BZW2: variants seen among roughly 807,000 people sequenced by gnomAD.
BZW2 encodes basic leucine zipper and W2 domains 2, also known as eIF5-mimic protein 1.
In BZW2, 23 loss-of-function variants were observed where a neutral mutation model predicts 53.2. That is an observed-to-expected ratio of 0.43 (90% CI 0.31 to 0.61). BZW2 has a LOEUF of 0.61. Ranked by LOEUF, BZW2 falls within the 20% of genes least tolerant of loss-of-function variation. The probability of loss-of-function intolerance (pLI) is 0.09; values close to 1 mark genes in which losing one functional copy is unlikely to be tolerated. For missense variants in BZW2, 409 were observed against 503.1 expected, an observed-to-expected ratio of 0.81 and a Z score of 1.79; for synonymous variants, 227 against 186.4, an observed-to-expected ratio of 1.22 and a Z score of -1.77.
chr7:16,650,866 T>G (rs1781968515), intron 1 of BZW2, among the ~76,000 whole-genome samples: 1 of 152,194 alleles, frequency 6.6e-6, no homozygotes, highest in African/African-American at 2.4e-5. Context: ...CCAAAATTGT[T>G]CAGGTAGTCA....
At chr7:16,663,746 T>C (rs751954111) in intron 1 of BZW2, among the ~76,000 whole-genome samples, 1 of 152,206 alleles carries the variant, frequency 6.6e-6, no homozygotes, top group Non-Finnish European at 1.5e-5. Context: ...TTTGCTTGAA[T>C]AATGCATGTT....
chr7:16,674,061 G>C (rs1411894760), intron 2 of BZW2, among the ~76,000 whole-genome samples: 2 of 152,096 alleles, frequency 1.3e-5, no homozygotes, highest in African/African-American at 4.8e-5. Context: ...ACCATGCCCA[G>C]CTAATTTTTT....
At chr7:16,663,216 A>G (rs543035676) in intron 1 of BZW2, among the ~76,000 whole-genome samples, 7 of 152,322 alleles carry the variant, frequency 4.6e-5, no homozygotes, top group African/African-American at 1.4e-4. Context: ...TTGCCCCCAT[A>G]CACATAAGCA....
chr7:16,666,830 T>C (rs1211345201), intron 2 of BZW2, among the ~76,000 whole-genome samples: 1 of 152,128 alleles, frequency 6.6e-6, no homozygotes, highest in African/African-American at 2.4e-5. Flanking sequence ...GGTCTTGCTA[T>C]GTTGTTGAAG....
chr7:16,649,723 C>T lies in BZW2; in HGVS notation c.-8+3435C>T, dbSNP rs577509019. Among the ~76,000 whole-genome samples, 21 of 151,858 alleles carry T rather than the reference C, an allele frequency of 1.4e-4. No homozygotes were observed. In the South Asian group the frequency reaches 2.5e-3, roughly 18 times the overall value. ...ATTTTTTTAAGTTGGAAGTAGATTA[C>T]GGTTATATTTTTAAAAGATTACTTA... is the stretch of plus-strand genomic sequence containing the variant. On this transcript the variant is annotated intron_variant, in intron 1 of 11. Coordinates refer to ENST00000258761, the MANE Select transcript of BZW2 (RefSeq NM_014038.3).
intron 10 of BZW2, 48 bp downstream of exon 10, chr7:16,698,234 C>G (rs753774025): frequency 2.5e-6 from 4 of 1,609,260 alleles, no homozygotes; most frequent in African/African-American, 1.3e-5. Flanking sequence ...TGCTGAAGCT[C>G]TTTGAGAGGC....
chr7:16,703,996 T>G (rs889555121), intron 10 of BZW2, among the ~76,000 whole-genome samples: 4 of 152,168 alleles, frequency 2.6e-5, no homozygotes, highest in African/African-American at 9.7e-5. Flanking sequence ...AACTTCAGTT[T>G]AGGTGTGTAT....
intron 3 of BZW2, among the ~76,000 whole-genome samples, chr7:16,678,558 A>G (rs974166401): frequency 1.3e-5 from 2 of 152,222 alleles, no homozygotes; most frequent in African/African-American, 2.4e-5. Flanking sequence ...GTTTTCTTTC[A>G]TTAAACAATG....
chr7:16,665,695 T>C (rs1782402419), intron 2 of BZW2, among the ~76,000 whole-genome samples, 194 bp downstream of exon 2: 1 of 152,224 alleles, frequency 6.6e-6, no homozygotes, highest in African/African-American at 2.4e-5. Flanking sequence ...TTAATTTGCC[T>C]GTGCTACTTG....
At chr7:16,701,860 T>C (rs1745904837) in intron 10 of BZW2, among the ~76,000 whole-genome samples, 1 of 152,110 alleles carries the variant, frequency 6.6e-6, no homozygotes, top group African/African-American at 2.4e-5. Flanking sequence ...ACTCACCATG[T>C]CAATTGCTGA....
In BZW2 at chr7:16,696,902, C is replaced by G. The variant is rs372904209; in HGVS notation, c.823-13C>G. ...TGCCTGTTACTTTCTGACCCCATTT[C>G]CATGTAATGTAGGTGGTGCTTTATG... On this transcript the variant is annotated splice_polypyrimidine_tract_variant and intron_variant, in intron 8 of 11. Transcript: ENST00000258761. The G allele has an allele frequency of 4.3e-5, 69 of 1,613,752 alleles. No individual in the cohort carries two copies. Among genetic ancestry groups the G allele is most frequent in the Non-Finnish European group, 5.3e-5 (62 of 1,179,798 alleles).
At chr7:16,667,293 C>A (rs201494222) in intron 2 of BZW2, among the ~76,000 whole-genome samples, 789 of 122,982 alleles carry the variant, frequency 6.4e-3, no homozygotes, top group Non-Finnish European at 5.6e-3. Flanking sequence ...AAAAAAAAAA[C>A]AAAAAAAAAA....
At chr7:16,651,430 T>A (rs181166496) in intron 1 of BZW2, among the ~76,000 whole-genome samples, 17 of 152,334 alleles carry the variant, frequency 1.1e-4, no homozygotes, top group African/African-American at 3.4e-4. Flanking sequence ...CAGAAGACTT[T>A]AATGGTTTTC....
At chr7:16,665,961 C>T (rs1345593602) in intron 2 of BZW2, among the ~76,000 whole-genome samples, 2 of 152,068 alleles carry the variant, frequency 1.3e-5, no homozygotes, top group African/African-American at 2.4e-5. Flanking sequence ...CCTTAAAAAC[C>T]ATATTTTCAA....
Position 16,682,809 on chromosome 7 carries a change from G to A in BZW2, c.369G>A (p.Lys123=), listed in dbSNP as rs1319946469. The A allele has an allele frequency of 1.3e-6, 2 of 1,579,484 alleles. No individual in the cohort carries two copies. The highest frequency in any genetic ancestry group is 2.3e-5 in the South Asian group (2 of 88,426). Residue 123 remains lysine, a synonymous_variant, in exon 5 of 12, where the codon AAG becomes AAA. Coordinates refer to ENST00000258761, the MANE Select transcript of BZW2 (RefSeq NM_014038.3). ...QVFNKLIRRY[K]YLEKAFEDEM... ...TCAATAAACTCATCAGGAGATATAA[G>A]TATTTGGAGAAGGCATTTGAAGATG...
At position 16,664,047 on chromosome 7, in the gene BZW2, C is replaced by A. The variant is rs538155639; in HGVS notation, c.-7-1390C>A. On this transcript the variant is annotated intron_variant, in intron 1 of 11. Coordinates refer to ENST00000258761, the MANE Select transcript of BZW2 (RefSeq NM_014038.3). ...CATAGAAAACCATATATTCTATACA[C>A]CCTCCTTTTAACCAAGTACTTTACA... Among the ~76,000 whole-genome samples, 34 of 152,304 alleles carry A rather than the reference C, an allele frequency of 2.2e-4. 1 individual carries two copies. The highest frequency in any genetic ancestry group is 9.6e-4 in the East Asian group (5 of 5,184).
intron 5 of BZW2, among the ~76,000 whole-genome samples, chr7:16,684,351 G>T (rs1032658327): frequency 2.0e-5 from 3 of 152,092 alleles, no homozygotes; most frequent in African/African-American, 7.2e-5. Flanking sequence ...AGAGTGTCTG[G>T]TCCACTCAAC....
intron 1 of BZW2, among the ~76,000 whole-genome samples, chr7:16,649,347 C>T (rs368068732): frequency 1.3e-5 from 2 of 152,174 alleles, no homozygotes; most frequent in East Asian, 1.9e-4. Flanking sequence ...TGTTTTCCTA[C>T]TTGACTAATC....
chr7:16,660,539 C>T (rs890714929), intron 1 of BZW2, among the ~76,000 whole-genome samples: 1 of 151,848 alleles, frequency 6.6e-6, no homozygotes, highest in South Asian at 2.1e-4. Flanking sequence ...GCAGACTACT[C>T]TTCGAGCTAC....
Sources: allele counts gnomAD v4.1 joint callset (sites outside exome capture counted in the v4.1 genomes callset), GRCh38; gene constraint gnomAD v4.1.1; transcripts MANE v1.5; gene names NCBI Gene and HGNC (gene_info 2026-07-23, HGNC 2026-07-21).